KLF12: variants seen among roughly 807,000 people sequenced by gnomAD.
KLF12 encodes Krueppel-like factor 12.
In KLF12, 9 loss-of-function variants were observed where a neutral mutation model predicts 37.8. That is an observed-to-expected ratio of 0.24 (90% CI 0.14 to 0.42). KLF12 has a LOEUF of 0.42. Ranked by LOEUF, KLF12 falls within the 10% of genes least tolerant of loss-of-function variation. The pLI, the probability that KLF12 is intolerant of heterozygous loss-of-function variation, is 1.00. For missense variants in KLF12, 411 were observed against 516.0 expected (o/e 0.80, Z 1.97); for synonymous variants, 208 against 202.1 (o/e 1.03, Z -0.25).
At chr13:73,787,223 G>A (rs1881408242) in intron 5 of KLF12, among the ~76,000 whole-genome samples, 1 of 151,966 alleles carries the variant, frequency 6.6e-6, no homozygotes, top group South Asian at 2.1e-4. Context: ...TTTTGCCAGG[G>A]ACTGTTCCAG....
At chr13:74,177,497 C>T in the KLF12 span, among the ~76,000 whole-genome samples, 1 of 151,968 alleles carries the variant, frequency 6.6e-6, no homozygotes, top group African/African-American at 2.4e-5. Context: ...TAAAATGAGG[C>T]CAGAAAGTTA....
At chr13:73,884,159 A>T (rs546624129) in intron 3 of KLF12, among the ~76,000 whole-genome samples, 1 of 152,294 alleles carries the variant, frequency 6.6e-6, no homozygotes, top group South Asian at 2.1e-4. Flanking sequence ...TCTGGAAGGA[A>T]GATATTAACA....
At chr13:73,787,334 C>T (rs1398848193) in intron 5 of KLF12, among the ~76,000 whole-genome samples, 1 of 152,070 alleles carries the variant, frequency 6.6e-6, no homozygotes, top group Non-Finnish European at 1.5e-5. Flanking sequence ...ATAGCTTGTC[C>T]CAGGTCATGT....
chr13:73,963,411 A>T (rs2139474682), intron 2 of KLF12, among the ~76,000 whole-genome samples: 1 of 152,156 alleles, frequency 6.6e-6, no homozygotes, highest in East Asian at 1.9e-4. Context: ...ATCCAGTGGG[A>T]AAAACCATCG....
intron 1 of KLF12, among the ~76,000 whole-genome samples, chr13:74,069,919 T>C (rs1874131284): frequency 6.6e-6 from 1 of 152,116 alleles, no homozygotes; most frequent in Non-Finnish European, 1.5e-5. Context: ...AAGAACAAAG[T>C]TGTGAACATG....
At chr13:73,991,474 T>C (rs1396581418) in intron 2 of KLF12, among the ~76,000 whole-genome samples, 2 of 152,202 alleles carry the variant, frequency 1.3e-5, no homozygotes, top group Non-Finnish European at 2.9e-5. Flanking sequence ...ACAAATAATA[T>C]CAATACCATG....
chr13:73,955,573 T>G (rs571099992), intron 2 of KLF12, among the ~76,000 whole-genome samples: 1 of 152,220 alleles, frequency 6.6e-6, no homozygotes, highest in African/African-American at 2.4e-5. Context: ...AAGACAACCA[T>G]GAAGTGTCTG....
chr13:74,177,940 C>A, the KLF12 span, among the ~76,000 whole-genome samples: 5 of 152,296 alleles, frequency 3.3e-5, no homozygotes, highest in African/African-American at 1.2e-4. Context: ...ATGCAATACA[C>A]TTGAGCATTG....
At chr13:73,695,923 T>G (rs533552822) in intron 7 of KLF12, among the ~76,000 whole-genome samples, 1 of 152,226 alleles carries the variant, frequency 6.6e-6, no homozygotes, top group East Asian at 1.9e-4. Flanking sequence ...CATCAACATA[T>G]AAAGGCATGG....
the KLF12 span, among the ~76,000 whole-genome samples, chr13:74,140,110 TA>T: frequency 3.9e-5 from 6 of 152,036 alleles, no homozygotes; most frequent in East Asian, 5.8e-4. Context: ...CTTCTTCTTG[TA>T]AAAAAAATAC....
chr13:74,102,278 T>C (rs1876398178), intron 1 of KLF12, among the ~76,000 whole-genome samples: 1 of 150,636 alleles, frequency 6.6e-6, no homozygotes, highest in African/African-American at 2.4e-5. Flanking sequence ...GAGGGAAAGA[T>C]GGATATTGGT....
chr13:74,027,434 G>C (rs1224973109), intron 1 of KLF12, among the ~76,000 whole-genome samples: 3 of 152,140 alleles, frequency 2.0e-5, no homozygotes, highest in African/African-American at 4.8e-5. Flanking sequence ...AGAGGGGTAG[G>C]TATGAGTGGC....
chr13:73,751,926 C>G (rs964176109), intron 6 of KLF12, among the ~76,000 whole-genome samples: 1 of 152,128 alleles, frequency 6.6e-6, no homozygotes, highest in African/African-American at 2.4e-5. Flanking sequence ...CCTTTGTACC[C>G]TGAGGACACA....
chr13:73,932,244 T>C (rs753918667), intron 3 of KLF12, among the ~76,000 whole-genome samples: 18 of 152,164 alleles, frequency 1.2e-4, no homozygotes, highest in Non-Finnish European at 2.9e-5. Context: ...CCTTGAACAT[T>C]ATAGTTCATT....
At chr13:74,162,933 A>G in the KLF12 span, among the ~76,000 whole-genome samples, 3 of 152,220 alleles carry the variant, frequency 2.0e-5, no homozygotes, top group Non-Finnish European at 4.4e-5. Context: ...AAAAAGAACA[A>G]ATGATTGGTA....
chr13:74,064,264 A>C (rs1430023459), intron 1 of KLF12, among the ~76,000 whole-genome samples: 1 of 152,116 alleles, frequency 6.6e-6, no homozygotes, highest in Non-Finnish European at 1.5e-5. Flanking sequence ...CTCATATATA[A>C]CTGTATATTT....
Position 73,687,314 on chromosome 13 carries a change from G to C in KLF12, c.*8176C>G, listed in dbSNP as rs1873550886. On this transcript the variant is annotated 3_prime_UTR_variant, in exon 8 of 8. Coordinates refer to ENST00000377669, the MANE Select transcript of KLF12 (RefSeq NM_007249.5). ...GATGCAATGTGTCCCACATAGACAT[G>C]AACAAAACAATACAGTCACTACCCC... 6.6e-6 allele frequency: 1 copy of C among 152,568 alleles called. No individual in the cohort carries two copies. The highest frequency in any genetic ancestry group is 6.5e-5 in the Admixed American group (1 of 15,268). 9.5% of individuals were successfully genotyped at this position (152,568 alleles called of 1,614,324 possible).
At chr13:74,095,919 T>C (rs934765089) in intron 1 of KLF12, among the ~76,000 whole-genome samples, 1 of 152,158 alleles carries the variant, frequency 6.6e-6, no homozygotes, top group Admixed American at 6.5e-5. Flanking sequence ...GACCCAACAG[T>C]TCCACATAGA....
chr13:74,147,391 G>A, the KLF12 span, among the ~76,000 whole-genome samples: 7 of 152,174 alleles, frequency 4.6e-5, no homozygotes, highest in Admixed American at 3.3e-4. Context: ...TTGGTTACAC[G>A]ATGTTAAACA....
Sources: allele counts gnomAD v4.1 joint callset (sites outside exome capture counted in the v4.1 genomes callset), GRCh38; gene constraint gnomAD v4.1.1; transcripts MANE v1.5; gene names NCBI Gene and HGNC (gene_info 2026-07-23, HGNC 2026-07-21).